The following ADAMTS2 variants were observed in gnomAD, a reference collection of about 807,000 sequenced individuals.
ADAMTS2 encodes the protein A disintegrin and metalloproteinase with thrombospondin motifs 2.
In ADAMTS2, 50 loss-of-function variants were observed where a neutral mutation model predicts 123.0. The ratio of observed to expected loss-of-function variants is 0.41; its 90% confidence interval spans 0.32 to 0.51. ADAMTS2 has a LOEUF of 0.51. Ranked by LOEUF, ADAMTS2 falls within the 20% of genes least tolerant of loss-of-function variation. The pLI is 0.35. For missense variants in ADAMTS2, 1,494 were observed against 1,705.2 expected (o/e 0.88, Z 2.18); for synonymous variants, 678 against 695.4 (o/e 0.98, Z 0.39).
At chr5:179,215,855 G>A (rs1561810209) in intron 3 of ADAMTS2, among the ~76,000 whole-genome samples, 2 of 152,178 alleles carry the variant, frequency 1.3e-5, no homozygotes, top group South Asian at 2.1e-4. Flanking sequence ...AGCAGCATTC[G>A]ATGCAGGAAA....
Position 179,113,845 on chromosome 5 carries a change from G to A in ADAMTS2, c.*22C>T. On this transcript the variant is annotated 3_prime_UTR_variant, in exon 22 of 22. Coordinates refer to ENST00000251582, the MANE Select transcript of ADAMTS2 (RefSeq NM_014244.5). ...CTCTATAAGCAAGAAAAAAATGCTA[G>A]GGATGCTATCTTTCCATTTTATTAG... The A allele has an allele frequency of 6.2e-7, 1 of 1,609,102 alleles. No homozygotes were observed.
chr5:179,191,067 T>C (rs950735646), intron 4 of ADAMTS2, among the ~76,000 whole-genome samples: 1 of 152,170 alleles, frequency 6.6e-6, no homozygotes, highest in African/African-American at 2.4e-5. Context: ...GAAAGGGAAA[T>C]GCTGCAGAAC....
chr5:179,238,009 A>T (rs1765569237), intron 3 of ADAMTS2, among the ~76,000 whole-genome samples: 1 of 152,158 alleles, frequency 6.6e-6, no homozygotes. Flanking sequence ...GCCCCGCCCC[A>T]CGGAGGCCTT....
intron 2 of ADAMTS2, among the ~76,000 whole-genome samples, chr5:179,306,003 A>G (rs1756663545): frequency 6.6e-6 from 1 of 152,318 alleles, no homozygotes; most frequent in Admixed American, 6.5e-5. Context: ...TGCAAAAAAG[A>G]AATTTCCAGG....
rs1204468403 is a variant in ADAMTS2 at position 179,317,787 on chromosome 5, T to G, written c.534+25980A>C. On this transcript the variant is annotated intron_variant, in intron 2 of 21. Coordinates refer to ENST00000251582, the MANE Select transcript of ADAMTS2 (RefSeq NM_014244.5). This position sits in a 1 kb window ranked among gnomAD's most constrained non-coding sequence, Gnocchi z 4.9. ...ACCAGCTGAGACTCCCTGGCCAGAC[T>G]CATCGCCAGCTGGGGAGAGTGGAGC... 6.6e-6 allele frequency among the ~76,000 whole-genome samples: 1 copy of G among 152,118 alleles called. No homozygotes were observed. Among genetic ancestry groups the G allele is most frequent in the African/African-American group, 2.4e-5 (1 of 41,432 alleles).
chr5:179,327,894 C>G (rs1757355922), intron 2 of ADAMTS2, among the ~76,000 whole-genome samples: 1 of 152,142 alleles, frequency 6.6e-6, no homozygotes, highest in Admixed American at 6.5e-5. Flanking sequence ...AGAATCCTCA[C>G]CCCCAAAAAC....
At chr5:179,219,405 G>A (rs1335518532) in intron 3 of ADAMTS2, among the ~76,000 whole-genome samples, 3 of 152,242 alleles carry the variant, frequency 2.0e-5, no homozygotes, top group Non-Finnish European at 4.4e-5. Flanking sequence ...ACAGCCAAAT[G>A]TGCTGGCCTG....
chr5:179,340,173 G>T (rs1457717389), intron 2 of ADAMTS2, among the ~76,000 whole-genome samples: 1 of 152,262 alleles, frequency 6.6e-6, no homozygotes. Flanking sequence ...TTGGGCCCCA[G>T]GATTGGACCA....
At position 179,135,922 on chromosome 5, in the gene ADAMTS2, C is replaced by G; in HGVS notation, c.2072G>C (p.Arg691Pro). 6.2e-7 allele frequency: 1 copy of G among 1,613,178 alleles called. No individual in the cohort carries two copies. Among genetic ancestry groups the G allele is most frequent in the Non-Finnish European group, 8.5e-7 (1 of 1,180,020 alleles). Residue 691 changes from arginine to proline, a missense_variant, in exon 13 of 22, where the codon CGC (arginine) becomes CCC (proline). Around this residue, in one of 6 missense-constraint regions of ADAMTS2, gnomAD observed 953 missense variants for 1,124.7 expected, o/e 0.85. Transcript: ENST00000251582. The stretch of plus-strand genomic sequence containing the variant: ...CTGTGTACTCACCCTGCAGTCCCCG[C>G]GCACACAGAGGCTGAAGGCGTCCTT... Reference protein sequence around the residue: ...SYKDAFSLCVRGDCRKVGCDG... With the variant: ...SYKDAFSLCVPGDCRKVGCDG...
In ADAMTS2 at chr5:179,345,068, G is replaced by A; in HGVS notation, c.139+122C>T. ...CCCGAAGTTGGCCAACTTGGCCCCG[G>A]GCGGGGCGCGCGGAGTTTGCCCAAG... On this transcript the variant is annotated intron_variant, in intron 1 of 21. Coordinates refer to ENST00000251582, the MANE Select transcript of ADAMTS2 (RefSeq NM_014244.5). This position sits in a 1 kb window ranked among gnomAD's most constrained non-coding sequence, Gnocchi z 7.5. 1.3e-6 allele frequency: 1 copy of A among 781,836 alleles called. No individual in the cohort carries two copies. Among genetic ancestry groups the A allele is most frequent in the Non-Finnish European group, 1.6e-6 (1 of 633,028 alleles). 48.4% of individuals were successfully genotyped at this position (781,836 alleles called of 1,614,324 possible). A position where few individuals can be genotyped will look rare whatever the true frequency, so the allele number is the denominator to read the frequency against.
chr5:179,260,595 G>C lies in ADAMTS2; in HGVS notation c.688+12316C>G, dbSNP rs1359754609. 1.3e-5 allele frequency among the ~76,000 whole-genome samples: 2 copies of C among 152,132 alleles called. No homozygotes were observed. The highest frequency in any genetic ancestry group is 4.8e-5 in the African/African-American group (2 of 41,404). ...ACTGCACTGGGTGTCAGCAGCCCTG[G>C]GTTCTAAGCCTGCTCCTCCCTCCTG... On this transcript the variant is annotated intron_variant, in intron 3 of 21. Transcript: ENST00000251582. This position sits in a 1 kb window ranked among gnomAD's most constrained non-coding sequence, Gnocchi z 4.2.
At chr5:179,294,884 G>A (rs1377841300) in intron 2 of ADAMTS2, among the ~76,000 whole-genome samples, 1 of 152,236 alleles carries the variant, frequency 6.6e-6, no homozygotes, top group Non-Finnish European at 1.5e-5. Context: ...CACCCCAAAT[G>A]CTGACAGCCT....
Position 179,317,695 on chromosome 5 carries a change from C to T in ADAMTS2, c.534+26072G>A, listed in dbSNP as rs888815348. 2.6e-5 allele frequency among the ~76,000 whole-genome samples: 4 copies of T among 152,314 alleles called. No homozygotes were observed. In the East Asian group the frequency reaches 5.8e-4, roughly 22 times the overall value. ...CACACAAACGCCCCCACATGTGCAT[C>T]GCATACATCACCCACACACACACGT... is the stretch of plus-strand genomic sequence containing the variant. On this transcript the variant is annotated intron_variant, in intron 2 of 21. Coordinates refer to ENST00000251582, the MANE Select transcript of ADAMTS2 (RefSeq NM_014244.5). This position sits in a 1 kb window ranked among gnomAD's most constrained non-coding sequence, Gnocchi z 4.9.
In ADAMTS2 at chr5:179,126,117, G is replaced by A. The variant is rs2113190594; in HGVS notation, c.2631C>T (p.Thr877=). The A allele has an allele frequency of 6.2e-7, 1 of 1,613,322 alleles. No homozygotes were observed. The highest frequency in any genetic ancestry group is 8.5e-7 in the Non-Finnish European group (1 of 1,180,018). ...CCAGCCTCCGGCGGCAGCCATACTT[G>A]GTGAACTGGGACCCTGAAGGCAGAG... ...SKPCGGGSQF[T]KYGCRRRLDH... is the part of the protein sequence containing the mutation. The change falls in exon 18 of 22, where the codon ACC becomes ACT. Residue 877 remains threonine, a synonymous_variant. Coordinates refer to ENST00000251582, the MANE Select transcript of ADAMTS2 (RefSeq NM_014244.5).
intron 4 of ADAMTS2, among the ~76,000 whole-genome samples, chr5:179,196,270 A>T (rs751228968): frequency 6.6e-6 from 1 of 152,216 alleles, no homozygotes; most frequent in Non-Finnish European, 1.5e-5. Flanking sequence ...ACGGTCGTAG[A>T]ACATACTGTA....
chr5:179,134,304 G>A (rs1372007478), intron 13 of ADAMTS2, among the ~76,000 whole-genome samples: 1 of 152,116 alleles, frequency 6.6e-6, no homozygotes, highest in Non-Finnish European at 1.5e-5. Flanking sequence ...CTGGGTTGGG[G>A]ACACACCTTT....
At chr5:179,322,318 T>A (rs974415909) in intron 2 of ADAMTS2, among the ~76,000 whole-genome samples, 13 of 152,188 alleles carry the variant, frequency 8.5e-5, no homozygotes, top group Admixed American at 1.3e-4. Flanking sequence ...GGCCCGTGCC[T>A]TCTTTGAATC....
chr5:179,177,199 G>A (rs1763952309), intron 5 of ADAMTS2, among the ~76,000 whole-genome samples: 1 of 152,224 alleles, frequency 6.6e-6, no homozygotes, highest in African/African-American at 2.4e-5. Context: ...TTTGGAAACT[G>A]ATGTGATGAA....
At chr5:179,275,484 G>C (rs560767471) in intron 2 of ADAMTS2, among the ~76,000 whole-genome samples, 1 of 152,160 alleles carries the variant, frequency 6.6e-6, no homozygotes, top group African/African-American at 2.4e-5. Flanking sequence ...GAGACTCTGC[G>C]GGTGTGATCA....
Sources: gnomAD v4.1 joint callset for allele counts (sites outside exome capture counted in the v4.1 genomes callset) on GRCh38, gnomAD v4.1.1 for gene constraint, gnomAD v4.1.1 regional missense constraint, Gnocchi (gnomAD v3.1) non-coding constraint, MANE v1.5 for transcripts, NCBI Gene and HGNC (gene_info 2026-07-23, HGNC 2026-07-21) for gene names.